EFCC1: variants seen among roughly 807,000 people sequenced by gnomAD.
EFCC1 encodes EF-hand and coiled-coil domain-containing protein 1.
Under a neutral mutation model 52.1 loss-of-function variants are expected in EFCC1, and 50 were observed. That is an observed-to-expected ratio of 0.96 (90% CI 0.76 to 1.21). EFCC1 has a LOEUF of 1.21. Ranked by LOEUF, EFCC1 falls within the 50% of genes most tolerant of loss-of-function variation. EFCC1 has a pLI of 0.00. For missense variants in EFCC1, 837 were observed against 867.3 expected, an observed-to-expected ratio of 0.97 and a Z score of 0.44; for synonymous variants, 399 against 396.5, an observed-to-expected ratio of 1.01 and a Z score of -0.08.
chr3:129,009,280 T>C (rs1474033307), intron 2 of EFCC1, among the ~76,000 whole-genome samples: 2 of 152,188 alleles, frequency 1.3e-5, no homozygotes, highest in African/African-American at 4.8e-5. Flanking sequence ...TTCTTAGAAC[T>C]GAAAAGTGTA....
At chr3:129,012,507 A>T (rs1327516621) in intron 2 of EFCC1, among the ~76,000 whole-genome samples, 2 of 152,128 alleles carry the variant, frequency 1.3e-5, no homozygotes, top group African/African-American at 4.8e-5. Flanking sequence ...ATGACTTTCC[A>T]AATTCTGTGA....
intron 7 of EFCC1, 129 bp from the exon 8 acceptor site, chr3:129,039,583 G>T: frequency 7.1e-7 from 1 of 1,407,596 alleles, no homozygotes; most frequent in Non-Finnish European, 9.5e-7. Context: ...ACAGAGCGAG[G>T]AAGCTGGGCA....
intron 3 of EFCC1, among the ~76,000 whole-genome samples, chr3:129,031,387 G>A (rs1946269952): frequency 6.6e-6 from 1 of 152,186 alleles, no homozygotes. Context: ...GCTGCAGTGA[G>A]CCAAGATTGT....
intron 5 of EFCC1, among the ~76,000 whole-genome samples, chr3:129,035,947 G>T (rs534078510): frequency 6.6e-6 from 1 of 152,184 alleles, no homozygotes; most frequent in Non-Finnish European, 1.5e-5. Context: ...GCAAACATGC[G>T]CCACGGCTGT....
At chr3:129,020,024 C>G (rs1384550153) in intron 2 of EFCC1, among the ~76,000 whole-genome samples, 1 of 152,120 alleles carries the variant, frequency 6.6e-6, no homozygotes, top group African/African-American at 2.4e-5. Context: ...CTACCTCAGC[C>G]TCCCAAAGTG....
Position 129,032,902 on chromosome 3 carries a change from GAGA to G in EFCC1, c.1229_1231del (p.Lys410del), listed in dbSNP as rs1310937340. 3.9e-6 allele frequency: 6 copies of G among 1,551,230 alleles called. No individual in the cohort carries two copies. The African/African-American group carries it at 6.8e-5, about 18-fold the overall frequency. ...GGTGGAGGAGGAGAGGTGGCAGGAGGAGAAGAAGACGCCGGCAGCCGAGGCCAA... is the reference window on the plus strand; with the variant it reads ...GGTGGAGGAGGAGAGGTGGCAGGAGGAGAAGACGCCGGCAGCCGAGGCCAA... On this transcript the variant is annotated inframe_deletion, in exon 4 of 8. Coordinates refer to ENST00000683648, the MANE Select transcript of EFCC1 (RefSeq NM_001377500.1).
In EFCC1 at chr3:129,015,618, G is replaced by A. The variant is rs565840327; in HGVS notation, c.980+11541G>A. On this transcript the variant is annotated intron_variant, in intron 2 of 7. Coordinates refer to ENST00000683648, the MANE Select transcript of EFCC1 (RefSeq NM_001377500.1). ...GAGAGCTGAGTGTCCGTGTCTGCTCGCACACTCCTGTTGCACCCTTCCCAC... is the reference window on the plus strand; with the variant it reads ...GAGAGCTGAGTGTCCGTGTCTGCTCACACACTCCTGTTGCACCCTTCCCAC... Among the ~76,000 whole-genome samples the A allele has an allele frequency of 3.3e-5, 5 of 151,948 alleles. No individual in the cohort carries two copies. The South Asian group carries it at 8.3e-4, about 25-fold the overall frequency.
intron 2 of EFCC1, among the ~76,000 whole-genome samples, chr3:129,027,693 C>T (rs1303581203): frequency 2.0e-5 from 3 of 152,124 alleles, no homozygotes; most frequent in East Asian, 1.9e-4. Context: ...CGGTGGTCCA[C>T]GCCTGTAATC....
intron 2 of EFCC1, among the ~76,000 whole-genome samples, chr3:129,029,831 C>T (rs1420370545): frequency 2.6e-5 from 4 of 151,254 alleles, no homozygotes; most frequent in African/African-American, 9.7e-5. Context: ...GTCATCCACC[C>T]GCCTCTGCCT....
chr3:129,015,049 G>A lies in EFCC1; in HGVS notation c.980+10972G>A, dbSNP rs1420320043. ...GGTGTCCCAGCTCCATCAGAACCAC[G>A]GACCACACAGCATCAGGTTAATCTT... On this transcript the variant is annotated intron_variant, in intron 2 of 7. Transcript: ENST00000683648. Among the ~76,000 whole-genome samples, 12 of 152,178 alleles carry A rather than the reference G, an allele frequency of 7.9e-5. 1 individual carries two copies. The South Asian group carries it at 2.3e-3, about 29-fold the overall frequency.
At position 129,003,950 on chromosome 3, in the gene EFCC1, G is replaced by A; in HGVS notation, c.853G>A (p.Ala285Thr). Residue 285 changes from alanine to threonine, a missense_variant, in exon 2 of 8, where the codon GCG (alanine) becomes ACG (threonine). Physicochemically the swap from Ala to Thr is moderately conservative, Grantham distance 58. Coordinates refer to ENST00000683648, the MANE Select transcript of EFCC1 (RefSeq NM_001377500.1). ...RRGQAEVRRR[A>T]EEARQVVLRS... ...TGGCCAGGCCGAGGTGCGGCGGCGC[G>A]CGGAGGAGGCCCGGCAGGTGGTGCT... 1 of 1,417,460 alleles carries A rather than the reference G, an allele frequency of 7.1e-7. No homozygotes were observed. The highest frequency in any genetic ancestry group is 1.5e-5 in the African/African-American group (1 of 66,614). The allele number at this position is 1,417,460 out of a possible 1,614,324, so 87.8% of individuals were successfully genotyped here.
chr3:129,014,484 G>A lies in EFCC1; in HGVS notation c.980+10407G>A, dbSNP rs1023295893. 1.3e-5 allele frequency among the ~76,000 whole-genome samples: 2 copies of A among 152,190 alleles called. No individual in the cohort carries two copies. Among genetic ancestry groups the A allele is most frequent in the Non-Finnish European group, 2.9e-5 (2 of 68,042 alleles). ...TGGTCTTCCTTCTGTGTGTATTTCT[G>A]TCCTAATCCCCTCTTCTTAGAAGGA... On this transcript the variant is annotated intron_variant, in intron 2 of 7. Coordinates refer to ENST00000683648, the MANE Select transcript of EFCC1 (RefSeq NM_001377500.1). The surrounding 1 kb of genome is among the most constrained non-coding windows in gnomAD (Gnocchi z 4.3).
intron 3 of EFCC1, among the ~76,000 whole-genome samples, chr3:129,031,996 C>A (rs556696620): frequency 3.3e-5 from 5 of 152,210 alleles, no homozygotes; most frequent in African/African-American, 1.2e-4. Flanking sequence ...GAGTGGGACT[C>A]CCCTGGGGAC....
intron 1 of EFCC1, 180 bp downstream of exon 1, chr3:129,002,504 C>A: frequency 3.2e-6 from 4 of 1,233,788 alleles, no homozygotes; most frequent in Non-Finnish European, 1.1e-6. Flanking sequence ...CCATTCCACT[C>A]CAGTCCCCAA....
chr3:129,013,629 C>T (rs977292011), intron 2 of EFCC1, among the ~76,000 whole-genome samples: 3 of 152,228 alleles, frequency 2.0e-5, no homozygotes, highest in African/African-American at 7.2e-5. Context: ...ACATAGGCCA[C>T]ACCCATCCTG....
At chr3:129,033,186 T>C (rs1946307258) in intron 4 of EFCC1, among the ~76,000 whole-genome samples, 1 of 152,184 alleles carries the variant, frequency 6.6e-6, no homozygotes, top group African/African-American at 2.4e-5. Context: ...CTGGCTTTAA[T>C]TCCCATTCGT....
chr3:129,002,411 G>A (rs1030908341), intron 1 of EFCC1, 87 bp downstream of exon 1: 15 of 1,433,022 alleles, frequency 1.0e-5, no homozygotes, highest in Non-Finnish European at 1.4e-5. Context: ...CGACAGGACA[G>A]AGTCAGAGGA....
In EFCC1 at chr3:129,034,276, C is replaced by T; in HGVS notation, c.1399C>T (p.Gln467Ter). 6.2e-7 allele frequency: 1 copy of T among 1,614,146 alleles called. No homozygotes were observed. The change falls in exon 5 of 8, where the codon CAG becomes TAG. Residue 467 changes from glutamine to a stop codon, truncating the protein, a stop_gained. Transcript: ENST00000683648. LOFTEE classifies it high-confidence loss of function. Reference sequence around the variant, plus strand: ...GGCCTGCATTGCCATGCTGGTGGAGCAGCTGAGGACTCAGGGCTGCGGTGG... The same window carrying T: ...GGCCTGCATTGCCATGCTGGTGGAGTAGCTGAGGACTCAGGGCTGCGGTGG... ...LEACIAMLVE[Q>*]LRTQGCGGRT...
chr3:129,017,423 C>T (rs1224332636), intron 2 of EFCC1, among the ~76,000 whole-genome samples: 3 of 152,232 alleles, frequency 2.0e-5, no homozygotes, highest in Non-Finnish European at 4.4e-5. Context: ...TCCAGGCGGG[C>T]GTGGCGGGCT....
Sources: allele counts gnomAD v4.1 joint callset (sites outside exome capture counted in the v4.1 genomes callset), GRCh38; gene constraint gnomAD v4.1.1; non-coding constraint Gnocchi (gnomAD v3.1); transcripts MANE v1.5; gene names NCBI Gene and HGNC (gene_info 2026-07-23, HGNC 2026-07-21).